Variants in GAD1 observed in about 807,000 individuals in gnomAD.
GAD1 encodes the protein 67 kDa glutamic acid decarboxylase.
In GAD1, 35 loss-of-function variants were observed where a neutral mutation model predicts 75.2. The ratio of observed to expected loss-of-function variants is 0.47; its 90% CI spans 0.36 to 0.62. GAD1 has a LOEUF of 0.62. GAD1 is among the 20% of genes least tolerant of loss of function. The pLI is 0.00. For missense variants in GAD1, 490 were observed against 758.5 expected, an observed-to-expected ratio of 0.65 and a Z score of 4.16; for synonymous variants, 257 against 271.9, an observed-to-expected ratio of 0.95 and a Z score of 0.54.
At chr2:170,826,112 AAT>A (rs988547445) in intron 3 of GAD1, among the ~76,000 whole-genome samples, 132 of 152,310 alleles carry the variant, frequency 8.7e-4, no homozygotes, top group African/African-American at 2.9e-3. Context: ...GACATGTGAC[AAT>A]ATATATTATA....
chr2:170,817,225 A>ACCCCCCCCCCCCCCCCCCCC, intron 1 of GAD1, 177 bp downstream of exon 1: 1 of 15,472 alleles, frequency 6.5e-5, no homozygotes, highest in Non-Finnish European at 1.9e-4. Flanking sequence ...CTGCGCAGGG[A>ACCCCCCCCCCCCCCCCCCCC]CCCCCCCCCC....
intron 7 of GAD1, among the ~76,000 whole-genome samples, chr2:170,844,802 C>T (rs923567183): frequency 6.6e-6 from 1 of 152,056 alleles, no homozygotes; most frequent in Non-Finnish European, 1.5e-5. Flanking sequence ...TGATTGTGTA[C>T]AAGGGGAAAA....
rs1397505055 is a variant in GAD1, at chr2:170,818,536, C to A, written c.-56C>A. 2.0e-6 allele frequency: 3 copies of A among 1,511,076 alleles called. No homozygotes were observed. In the East Asian group the frequency reaches 6.8e-5, roughly 34 times the overall value. 93.6% of individuals were successfully genotyped at this position (1,511,076 alleles called of 1,614,324 possible). On this transcript the variant is annotated 5_prime_UTR_variant, in exon 2 of 17. The change creates a new upstream start codon in the 5' untranslated region. Coordinates refer to ENST00000358196, the MANE Select transcript of GAD1 (RefSeq NM_000817.3). The surrounding 1 kb of genome is among the most constrained non-coding windows in gnomAD (Gnocchi z 5.9). ...TCTCGCTTCTCTTTGCAGCCTGTTT[C>A]TGCGCCGGACCAGTCGAGGACTCTG...
intron 1 of GAD1, 192 bp downstream of exon 1, chr2:170,817,240 C>T (rs1258108181): frequency 2.2e-5 from 3 of 134,128 alleles, no homozygotes; most frequent in African/African-American, 8.0e-5. Context: ...CCCCCCCCCG[C>T]CTCCCTCGTC....
upstream of GAD1, among the ~76,000 whole-genome samples, chr2:170,813,902 G>A (rs1226055151): frequency 6.6e-6 from 1 of 152,108 alleles, no homozygotes; most frequent in Non-Finnish European, 1.5e-5. Context: ...AGACTGGAGG[G>A]GTCGCATATC....
intron 14 of GAD1, among the ~76,000 whole-genome samples, chr2:170,856,473 C>T (rs908081205): frequency 3.9e-5 from 6 of 152,166 alleles, no homozygotes; most frequent in South Asian, 2.1e-4. Flanking sequence ...CAGTATCTTT[C>T]GAAGTTTTTC....
chr2:170,840,645 G>GGAGGTAGGTA (rs1553578748), intron 6 of GAD1, among the ~76,000 whole-genome samples: 1 of 117,290 alleles, frequency 8.5e-6, no homozygotes, highest in Non-Finnish European at 1.8e-5. Context: ...GGGAGGAAAG[G>GGAGGTAGGTA]AGGGAGGTAG....
intron 3 of GAD1, among the ~76,000 whole-genome samples, chr2:170,824,323 G>A (rs993651276): frequency 4.0e-5 from 6 of 151,838 alleles, no homozygotes; most frequent in Non-Finnish European, 7.4e-5. Flanking sequence ...TTAATCTAGT[G>A]GAGGCAGAGT....
intron 12 of GAD1, among the ~76,000 whole-genome samples, 199 bp downstream of exon 12, chr2:170,849,549 TAGAA>T (rs1301403379): frequency 6.6e-6 from 1 of 152,152 alleles, no homozygotes; most frequent in Admixed American, 6.5e-5. Context: ...GTTCACAATT[TAGAA>T]AGAAAGAAAG....
At position 170,860,534 on chromosome 2, in the gene GAD1, G is replaced by A. The variant is rs1431395322; in HGVS notation, c.*652G>A. 6.5e-6 allele frequency: 1 copy of A among 153,032 alleles called. No homozygotes were observed. The highest frequency in any genetic ancestry group is 1.5e-5 in the Non-Finnish European group (1 of 68,358). 9.5% of individuals were successfully genotyped at this position (153,032 alleles called of 1,614,324 possible). A position where few individuals can be genotyped will look rare whatever the true frequency, so the allele number is the denominator to read the frequency against. ...CTTGGTGGTGGGAGGGGGAGACTAT[G>A]TGTCATGATTTCAATGATTGTTTAA... On this transcript the variant is annotated 3_prime_UTR_variant, in exon 17 of 17. Coordinates refer to ENST00000358196, the MANE Select transcript of GAD1 (RefSeq NM_000817.3).
chr2:170,833,050 C>T (rs1702282114), intron 5 of GAD1, among the ~76,000 whole-genome samples: 1 of 152,238 alleles, frequency 6.6e-6, no homozygotes, highest in Non-Finnish European at 1.5e-5. Flanking sequence ...TTAGTTGCCA[C>T]CACAGGGGAA....
intron 6 of GAD1, 130 bp from the exon 7 acceptor site, chr2:170,843,915 T>C (rs1702576497): frequency 3.0e-6 from 2 of 672,646 alleles, no homozygotes; most frequent in African/African-American, 1.8e-5. Flanking sequence ...AGGAAATGAA[T>C]CATGTTAGTG....
At chr2:170,822,490 C>CGGT (rs1157734924) in intron 3 of GAD1, among the ~76,000 whole-genome samples, 1 of 152,242 alleles carries the variant, frequency 6.6e-6, no homozygotes, top group Non-Finnish European at 1.5e-5. Context: ...AGCTCCCACC[C>CGGT]GGTGCCGTGC....
chr2:170,835,331 T>C (rs1162634880), intron 5 of GAD1, among the ~76,000 whole-genome samples: 2 of 152,208 alleles, frequency 1.3e-5, no homozygotes, highest in Non-Finnish European at 2.9e-5. Context: ...TTGTAGTTTA[T>C]TTGTAGGAAA....
intron 6 of GAD1, 39 bp from the exon 7 acceptor site, chr2:170,844,006 C>T: frequency 8.7e-7 from 1 of 1,143,634 alleles, no homozygotes; most frequent in East Asian, 2.3e-5. Flanking sequence ...GGTTTGACTT[C>T]TTTATTTTCT....
intron 3 of GAD1, among the ~76,000 whole-genome samples, chr2:170,825,662 A>G (rs1702007202): frequency 6.6e-6 from 1 of 152,216 alleles, no homozygotes; most frequent in Non-Finnish European, 1.5e-5. Flanking sequence ...TGAGTTTGGC[A>G]GCAGGGGTGA....
At position 170,818,384 on chromosome 2, in the gene GAD1, A is replaced by G. The variant is rs1255778815; in HGVS notation, c.-63-145A>G. 3.3e-6 allele frequency: 2 copies of G among 612,256 alleles called. No homozygotes were observed. The highest frequency in any genetic ancestry group is 2.6e-5 in the Admixed American group (1 of 37,844). 37.9% of individuals were successfully genotyped at this position (612,256 alleles called of 1,614,324 possible). ...GCTGCCCCCACCCCTGCGCACCCCT[A>G]CCAGGCAGGCTCGCTGCCTTTCCTC... On this transcript the variant is annotated intron_variant, in intron 1 of 16. Transcript: ENST00000358196. The surrounding 1 kb of genome is among the most constrained non-coding windows in gnomAD (Gnocchi z 5.9).
chr2:170,825,220 TACA>T (rs1287507524), intron 3 of GAD1, among the ~76,000 whole-genome samples: 1 of 152,056 alleles, frequency 6.6e-6, no homozygotes, highest in Non-Finnish European at 1.5e-5. Context: ...ACCCCATCTC[TACA>T]AAAACTTTCA....
intron 14 of GAD1, 25 bp downstream of exon 14, chr2:170,854,047 T>G: frequency 3.7e-6 from 6 of 1,613,912 alleles, no homozygotes; most frequent in Non-Finnish European, 5.1e-6. Flanking sequence ...GTTCAGGAAA[T>G]AGAGCAGAAA....
Sources: gnomAD v4.1 joint callset for allele counts (sites outside exome capture counted in the v4.1 genomes callset) on GRCh38, gnomAD v4.1.1 for gene constraint, Gnocchi (gnomAD v3.1) non-coding constraint, MANE v1.5 for transcripts, NCBI Gene and HGNC (gene_info 2026-07-23, HGNC 2026-07-21) for gene names.